The following SGCD variants were observed in gnomAD, a reference collection of about 807,000 sequenced individuals.
SGCD encodes delta-sarcoglycan.
SGCD carries 18 observed loss-of-function variants against 36.6 expected under a neutral mutation model. The observed-to-expected ratio is 0.49, with a 90% CI of 0.34 to 0.73. SGCD has a LOEUF of 0.73. Ranked by LOEUF, SGCD falls within the 30% of genes least tolerant of loss-of-function variation. The pLI is 0.01. For synonymous variants in SGCD, 133 were observed against 130.6 expected, an observed-to-expected ratio of 1.02 and a Z score of -0.12; for missense variants, 387 against 346.7, an observed-to-expected ratio of 1.12 and a Z score of -0.92.
intron 3 of SGCD, among the ~76,000 whole-genome samples, chr5:156,380,136 T>G (rs1434048335): frequency 6.6e-6 from 1 of 152,178 alleles, no homozygotes; most frequent in Admixed American, 6.6e-5. Context: ...TTTTCTGTTC[T>G]TGGTTGAAAT....
chr5:156,307,566 T>TTG (rs1215228691), intron 3 of SGCD, among the ~76,000 whole-genome samples: 1 of 148,200 alleles, frequency 6.7e-6, no homozygotes, highest in Non-Finnish European at 1.5e-5. Context: ...TTTTTTTTTT[T>TTG]TTTTTTTTTT....
At chr5:156,258,992 AGTTATT>A (rs1268113169) in intron 3 of SGCD, among the ~76,000 whole-genome samples, 2 of 152,060 alleles carry the variant, frequency 1.3e-5, no homozygotes, top group Non-Finnish European at 2.9e-5. Context: ...TTACCCTCTT[AGTTATT>A]AAGTGAGAAA....
chr5:156,323,067 A>T (rs1180059435), upstream of SGCD, among the ~76,000 whole-genome samples: 3 of 152,160 alleles, frequency 2.0e-5, no homozygotes, highest in Non-Finnish European at 2.9e-5. Flanking sequence ...TTCTAATATA[A>T]ATCTAGGCCT....
At chr5:156,129,912 C>G (rs1762270778) in intron 3 of SGCD, among the ~76,000 whole-genome samples, 1 of 152,126 alleles carries the variant, frequency 6.6e-6, no homozygotes, top group African/African-American at 2.4e-5. Context: ...TAGGTTGATT[C>G]ATTGTCTTTG....
the SGCD span, among the ~76,000 whole-genome samples, chr5:155,750,862 C>T: frequency 5.9e-5 from 9 of 152,136 alleles, no homozygotes; most frequent in African/African-American, 2.2e-4. Flanking sequence ...CCCTTACCCC[C>T]ACAGCCTGTT....
At chr5:156,707,034 T>G (rs954108972) in intron 7 of SGCD, among the ~76,000 whole-genome samples, 1 of 152,170 alleles carries the variant, frequency 6.6e-6, no homozygotes, top group African/African-American at 2.4e-5. Context: ...GAAAGTGACA[T>G]GTATTCCAAA....
chr5:156,551,203 C>A (rs575035271), intron 4 of SGCD, among the ~76,000 whole-genome samples: 1 of 152,328 alleles, frequency 6.6e-6, no homozygotes, highest in East Asian at 1.9e-4. Flanking sequence ...TCTCATCCTT[C>A]ACTTTATCCA....
chr5:156,701,225 GCTA>G (rs1214589670), intron 7 of SGCD, among the ~76,000 whole-genome samples: 1 of 152,138 alleles, frequency 6.6e-6, no homozygotes, highest in African/African-American at 2.4e-5. Context: ...AGCCTGATTT[GCTA>G]CTGTCTTTGC....
chr5:156,610,549 A>G (rs1561813353), intron 6 of SGCD, among the ~76,000 whole-genome samples: 3 of 152,220 alleles, frequency 2.0e-5, no homozygotes, highest in Admixed American at 2.0e-4. Flanking sequence ...TGCTGGGAGA[A>G]CCACTACTCT....
chr5:156,226,712 A>G lies in SGCD; in HGVS notation c.-44+102693A>G, dbSNP rs528514342. Among the ~76,000 whole-genome samples the G allele has an allele frequency of 6.2e-4, 94 of 152,124 alleles. 1 individual carries two copies. The South Asian group carries it at 0.018, about 30-fold the overall frequency. On this transcript the variant is annotated intron_variant, in intron 3 of 9. Coordinates refer to the SGCD transcript ENST00000517913. Reference sequence around the variant, plus strand: ...GTAGAAGTGTTCCCTGTTAACTGCCAACAGGGATGTAGTAGATGTTCCATG... The same window carrying G: ...GTAGAAGTGTTCCCTGTTAACTGCCGACAGGGATGTAGTAGATGTTCCATG...
chr5:155,809,043 C>A, the SGCD span, among the ~76,000 whole-genome samples: 1 of 152,222 alleles, frequency 6.6e-6, no homozygotes, highest in Admixed American at 6.5e-5. Flanking sequence ...TAAGAGAACT[C>A]AGCTATGCAG....
At chr5:156,105,325 T>C (rs1230366194) in intron 1 of SGCD, among the ~76,000 whole-genome samples, 3 of 152,206 alleles carry the variant, frequency 2.0e-5, no homozygotes, top group Non-Finnish European at 4.4e-5. Context: ...CTGCTGATAA[T>C]ATGTGTGCCC....
At chr5:156,607,914 C>T (rs549062761) in intron 6 of SGCD, among the ~76,000 whole-genome samples, 2 of 151,936 alleles carry the variant, frequency 1.3e-5, no homozygotes, top group Admixed American at 6.6e-5. Context: ...TTTTTTATTG[C>T]GTCTATTTGA....
At chr5:156,351,619 TCATC>T in intron 3 of SGCD, among the ~76,000 whole-genome samples, 1 of 151,724 alleles carries the variant, frequency 6.6e-6, no homozygotes, top group Non-Finnish European at 1.5e-5. Context: ...ATCATCATCA[TCATC>T]ATCATCATCA....
intron 4 of SGCD, among the ~76,000 whole-genome samples, chr5:156,541,479 G>C (rs1035647380): frequency 6.6e-6 from 1 of 152,108 alleles, no homozygotes; most frequent in African/African-American, 2.4e-5. Context: ...ATATTTTAGA[G>C]GTACAGTTGA....
chr5:156,265,022 C>A (rs1168427003), intron 3 of SGCD, among the ~76,000 whole-genome samples: 1 of 151,992 alleles, frequency 6.6e-6, no homozygotes, highest in Non-Finnish European at 1.5e-5. Context: ...GAGAAGTGAG[C>A]AACCCAATAG....
chr5:155,756,840 G>A, the SGCD span, among the ~76,000 whole-genome samples: 37 of 152,318 alleles, frequency 2.4e-4, no homozygotes, highest in African/African-American at 8.9e-4. Flanking sequence ...AAATCGGCAT[G>A]AGTTGTACAC....
At chr5:156,572,626 A>G (rs1451920310) in intron 4 of SGCD, among the ~76,000 whole-genome samples, 1 of 152,178 alleles carries the variant, frequency 6.6e-6, no homozygotes. Flanking sequence ...TAAGTAGACA[A>G]TTGAATGAAG....
the SGCD span, among the ~76,000 whole-genome samples, chr5:155,810,556 A>T: frequency 6.6e-6 from 1 of 152,244 alleles, no homozygotes; most frequent in African/African-American, 2.4e-5. Context: ...TGCATCATTT[A>T]TGTTAGTTGT....
Sources: allele counts gnomAD v4.1 joint callset (sites outside exome capture counted in the v4.1 genomes callset), GRCh38; gene constraint gnomAD v4.1.1; transcripts MANE v1.5; gene names NCBI Gene and HGNC (gene_info 2026-07-23, HGNC 2026-07-21).